Variants in CDK13 observed in about 807,000 individuals in gnomAD.
The protein encoded by CDK13 is cyclin dependent kinase 13, also known as cyclin-dependent kinase 13.
CDK13 carries 40 observed loss-of-function variants against 137.6 expected under a neutral mutation model. The observed-to-expected ratio is 0.29, with a 90% CI of 0.23 to 0.38. The LOEUF (loss-of-function observed/expected upper bound fraction) is 0.38. CDK13 is among the 10% of genes least tolerant of loss of function. The probability of loss-of-function intolerance (pLI) is 1.00; values close to 1 mark genes in which losing one functional copy is unlikely to be tolerated. For synonymous variants in CDK13, 869 were observed against 760.1 expected, an observed-to-expected ratio of 1.14 and a Z score of -2.36; for missense variants, 1,704 against 1,951.8, an observed-to-expected ratio of 0.87 and a Z score of 2.39.
chr7:39,950,490 G>A lies in CDK13; in HGVS notation c.-152G>A, dbSNP rs1415242787. 5 of 1,262,682 alleles carry A rather than the reference G, an allele frequency of 4.0e-6. No homozygotes were observed. In the East Asian group the frequency reaches 1.6e-4, roughly 40 times the overall value. The allele number at this position is 1,262,682 out of a possible 1,614,324, so 78.2% of individuals were successfully genotyped here. ...TGTGACCTGGAACCCAGGGACCCGA[G>A]TCCCGACCCGGATTATCGTGGCGCT... On this transcript the variant is annotated 5_prime_UTR_variant, in exon 1 of 14. Coordinates refer to ENST00000181839, the MANE Select transcript of CDK13 (RefSeq NM_003718.5).
chr7:40,070,605 G>A (rs1786398312), intron 9 of CDK13: 1 of 148,708 alleles, frequency 6.7e-6, no homozygotes. Context: ...CCAGCCGCTG[G>A]GAAGGCTGAG....
intron 7 of CDK13, among the ~76,000 whole-genome samples, chr7:40,050,772 C>T (rs1785868620): frequency 6.6e-6 from 1 of 152,182 alleles, no homozygotes. Flanking sequence ...ATCTGCTAAG[C>T]TGGTTGAGAT....
intron 1 of CDK13, among the ~76,000 whole-genome samples, chr7:39,965,219 TGGGG>T (rs1783841214): frequency 6.6e-6 from 1 of 152,168 alleles, no homozygotes; most frequent in East Asian, 1.9e-4. Flanking sequence ...ATGTTGACAG[TGGGG>T]TGTTAAAGTC....
chr7:40,035,587 G>C (rs1279750539), intron 5 of CDK13, among the ~76,000 whole-genome samples: 2 of 151,766 alleles, frequency 1.3e-5, no homozygotes, highest in Non-Finnish European at 2.9e-5. Context: ...CTGATGATCT[G>C]TCACTGTCTC....
intron 5 of CDK13, among the ~76,000 whole-genome samples, chr7:40,018,263 G>A (rs1785042891): frequency 6.6e-6 from 1 of 151,916 alleles, no homozygotes; most frequent in African/African-American, 2.4e-5. Context: ...AATTGTTAGA[G>A]AGTAATTAGG....
intron 1 of CDK13, among the ~76,000 whole-genome samples, chr7:39,972,570 A>G (rs2116195064): frequency 6.6e-6 from 1 of 152,332 alleles, no homozygotes; most frequent in Admixed American, 6.5e-5. Context: ...GTGGAATCAT[A>G]TAATGTATGA....
intron 1 of CDK13, chr7:39,985,411 G>A (rs1174370890): frequency 6.1e-6 from 1 of 162,774 alleles, no homozygotes; most frequent in Non-Finnish European, 1.3e-5. Context: ...CTTGGCTAAT[G>A]TGAATAGTGC....
intron 1 of CDK13, among the ~76,000 whole-genome samples, chr7:39,982,473 C>T (rs1398980590): frequency 2.0e-5 from 3 of 152,092 alleles, no homozygotes; most frequent in South Asian, 2.1e-4. Flanking sequence ...CCGCAGTAAA[C>T]ATACATGTGC....
At chr7:40,055,572 A>ATTT (rs1202058166) in intron 7 of CDK13, among the ~76,000 whole-genome samples, 153 of 128,626 alleles carry the variant, frequency 1.2e-3, no homozygotes, top group African/African-American at 4.2e-3. Context: ...AGGATTCTGG[A>ATTT]TTTTTTTTTT....
chr7:40,003,513 T>G (rs1371888400), intron 5 of CDK13, among the ~76,000 whole-genome samples: 1 of 152,190 alleles, frequency 6.6e-6, no homozygotes, highest in Non-Finnish European at 1.5e-5. Context: ...ATTAGTGGTG[T>G]GGCCTTATTA....
chr7:39,951,612 A>G lies in CDK13; in HGVS notation c.971A>G (p.Asp324Gly). 1 of 1,482,260 alleles carries G rather than the reference A, an allele frequency of 6.7e-7. No homozygotes were observed. Among genetic ancestry groups the G allele is most frequent in the African/African-American group, 1.5e-5 (1 of 68,860 alleles). 91.8% of individuals were successfully genotyped at this position (1,482,260 alleles called of 1,614,324 possible). The change falls in exon 1 of 14, where the codon GAC becomes GGC. Residue 324 changes from aspartate to glycine, a missense_variant. By Grantham distance (94) the Asp-to-Gly change is moderately conservative. Coordinates refer to ENST00000181839, the MANE Select transcript of CDK13 (RefSeq NM_003718.5). Reference protein sequence around the residue: ...RSLSPLGGRDDSPVSHRASQS... With the variant: ...RSLSPLGGRDGSPVSHRASQS... ...CTCAGCCCACTGGGAGGCCGGGACGACAGCCCGGTGTCCCACAGGGCCTCT... is the reference window on the plus strand; with the variant it reads ...CTCAGCCCACTGGGAGGCCGGGACGGCAGCCCGGTGTCCCACAGGGCCTCT...
intron 1 of CDK13, among the ~76,000 whole-genome samples, chr7:39,971,156 C>T (rs2116188125): frequency 6.6e-6 from 1 of 152,286 alleles, no homozygotes; most frequent in African/African-American, 2.4e-5. Flanking sequence ...GGTTCTTAAG[C>T]ACCTAGTACA....
chr7:39,956,440 GTTAA>G (rs1787411354), intron 1 of CDK13, among the ~76,000 whole-genome samples: 1 of 152,054 alleles, frequency 6.6e-6, no homozygotes, highest in Admixed American at 6.6e-5. Flanking sequence ...ACCATTTCAG[GTTAA>G]TTAGCTAGAC....
intron 6 of CDK13, among the ~76,000 whole-genome samples, chr7:40,047,292 C>A (rs1785767287): frequency 6.6e-6 from 1 of 151,928 alleles, no homozygotes; most frequent in Non-Finnish European, 1.5e-5. Flanking sequence ...ATATTTGAAC[C>A]CTGATAATTC....
chr7:40,032,221 T>C (rs2150505722), intron 5 of CDK13, among the ~76,000 whole-genome samples: 1 of 152,280 alleles, frequency 6.6e-6, no homozygotes, highest in African/African-American at 2.4e-5. Context: ...TGCACCTGGC[T>C]AATTTTTGTA....
At chr7:40,071,983 A>T (rs73392765) in intron 9 of CDK13, 1 of 152,106 alleles carries the variant, frequency 6.6e-6, no homozygotes, top group South Asian at 2.1e-4. Flanking sequence ...AAGTCAAATC[A>T]TTGCACATCT....
intron 1 of CDK13, 82 bp from the exon 2 acceptor site, chr7:39,987,517 A>G: frequency 9.0e-7 from 1 of 1,109,102 alleles, no homozygotes; most frequent in Non-Finnish European, 1.3e-6. Context: ...TTTATTTCAT[A>G]AACTTGAATT....
At chr7:39,962,353 T>C (rs976215565) in intron 1 of CDK13, among the ~76,000 whole-genome samples, 1 of 152,226 alleles carries the variant, frequency 6.6e-6, no homozygotes, top group African/African-American at 2.4e-5. Context: ...TGGTATCTCA[T>C]TGAGGTTTTG....
intron 5 of CDK13, among the ~76,000 whole-genome samples, chr7:40,032,515 T>C (rs1195758709): frequency 2.6e-5 from 4 of 152,246 alleles, no homozygotes; most frequent in African/African-American, 9.6e-5. Context: ...AATTTAGTTT[T>C]GCAGTTTACA....
Sources: allele counts gnomAD v4.1 joint callset (sites outside exome capture counted in the v4.1 genomes callset), GRCh38; gene constraint gnomAD v4.1.1; transcripts MANE v1.5; gene names NCBI Gene and HGNC (gene_info 2026-07-23, HGNC 2026-07-21).